Variants in CNTLN observed in about 807,000 individuals in gnomAD.
CNTLN encodes the protein centlein, centrosomal protein.
CNTLN carries 212 observed loss-of-function variants against 180.0 expected under a neutral mutation model. That is an observed-to-expected ratio of 1.18 (90% CI 1.05 to 1.32). The LOEUF is 1.32. Ranked by LOEUF, CNTLN falls within the 40% of genes most tolerant of loss-of-function variation. The pLI is 0.00. For synonymous variants in CNTLN, 722 were observed against 563.1 expected (o/e 1.28, Z -3.99); for missense variants, 2,095 against 1,610.9 (o/e 1.30, Z -5.14).
At chr9:17,164,086 C>T (rs375748279) in intron 2 of CNTLN, among the ~76,000 whole-genome samples, 1 of 150,146 alleles carries the variant, frequency 6.7e-6, no homozygotes. Flanking sequence ...CTGAGGCCGG[C>T]GGATCACTTG....
chr9:17,179,165 A>G (rs1022158527), intron 2 of CNTLN, among the ~76,000 whole-genome samples: 19 of 140,340 alleles, frequency 1.4e-4, no homozygotes, highest in Admixed American at 7.9e-4. Context: ...AATGGCGTGA[A>G]CCCGGGAGGC....
intron 23 of CNTLN, among the ~76,000 whole-genome samples, chr9:17,469,053 C>T (rs1170580402): frequency 6.6e-6 from 1 of 151,630 alleles, no homozygotes; most frequent in Non-Finnish European, 1.5e-5. Context: ...TTTAAATTAC[C>T]TTCATCAGAA....
Position 17,236,463 on chromosome 9 carries a change from A to C in CNTLN, c.724A>C (p.Asn242His). 6.2e-6 allele frequency: 10 copies of C among 1,613,764 alleles called. No individual in the cohort carries two copies. The highest frequency in any genetic ancestry group is 7.6e-6 in the Non-Finnish European group (9 of 1,179,774). Residue 242 changes from asparagine to histidine, a missense_variant, in exon 5 of 26, where the codon AAT becomes CAT. Asn to His is a moderately conservative substitution (Grantham distance 68, BLOSUM62 1). Coordinates refer to ENST00000380647, the MANE Select transcript of CNTLN (RefSeq NM_017738.4). ...KEEQNRLVIK[N>H]LEEENKKLST... ...AGAGCAAAACAGACTAGTTATAAAA[A>C]ATCTGGAGGAGGAAAACAAGAAATT...
chr9:17,516,378 T>C, the CNTLN span, among the ~76,000 whole-genome samples: 1 of 152,158 alleles, frequency 6.6e-6, no homozygotes, highest in Non-Finnish European at 1.5e-5. Flanking sequence ...TAACAAAAGA[T>C]TAACAAGAGA....
intron 2 of CNTLN, among the ~76,000 whole-genome samples, chr9:17,179,789 T>G (rs1345098815): frequency 6.6e-6 from 1 of 152,142 alleles, no homozygotes. Flanking sequence ...AATTATTGAT[T>G]TATCTATTAC....
chr9:17,400,614 T>G (rs996810586), intron 15 of CNTLN, among the ~76,000 whole-genome samples: 2 of 152,214 alleles, frequency 1.3e-5, no homozygotes, highest in African/African-American at 4.8e-5. Context: ...AGGATCATAT[T>G]CATAGATACG....
At chr9:17,207,767 C>T (rs1823027472) in intron 2 of CNTLN, among the ~76,000 whole-genome samples, 3 of 152,088 alleles carry the variant, frequency 2.0e-5, no homozygotes, top group Admixed American at 6.5e-5. Flanking sequence ...GAGCTGCAGA[C>T]CAGATCTGTT....
chr9:17,182,242 C>G (rs1821169495), intron 2 of CNTLN, among the ~76,000 whole-genome samples: 1 of 152,028 alleles, frequency 6.6e-6, no homozygotes. Context: ...TAGCCTACTC[C>G]TTTCCTGGTC....
chr9:17,519,361 A>C, the CNTLN span, among the ~76,000 whole-genome samples: 1 of 152,158 alleles, frequency 6.6e-6, no homozygotes, highest in African/African-American at 2.4e-5. Context: ...CTTTTAATTT[A>C]ACATGGTACT....
At chr9:17,227,347 G>A (rs1470147551) in intron 3 of CNTLN, among the ~76,000 whole-genome samples, 2 of 151,852 alleles carry the variant, frequency 1.3e-5, no homozygotes, top group Non-Finnish European at 2.9e-5. Context: ...AAAATTACGT[G>A]TGATTATATA....
rs189177087 is a variant in CNTLN, at chr9:17,255,507, T to C, written c.850-18226T>C. On this transcript the variant is annotated intron_variant, in intron 5 of 25. Transcript: ENST00000380647. ...TATTTCATAAATTGAATTTTGTATG[T>C]TTCAATTCCCCTTGCATTCAAGGCA... 3.2e-3 allele frequency among the ~76,000 whole-genome samples: 485 copies of C among 151,960 alleles called. 3 individuals are homozygous for C. Among genetic ancestry groups the C allele is most frequent in the Non-Finnish European group, 3.1e-3 (213 of 67,824 alleles).
At chr9:17,354,101 C>T (rs1822605909) in intron 12 of CNTLN, among the ~76,000 whole-genome samples, 1 of 152,190 alleles carries the variant, frequency 6.6e-6, no homozygotes, top group Non-Finnish European at 1.5e-5. Context: ...GGAGGGTGTA[C>T]TGGGTCCCGC....
intron 25 of CNTLN, 47 bp downstream of exon 25, chr9:17,487,113 C>G (rs760050584): frequency 9.4e-6 from 12 of 1,273,828 alleles, no homozygotes; most frequent in Non-Finnish European, 1.3e-5. Flanking sequence ...AATAAGAATT[C>G]CAAGCCTTAC....
At chr9:17,394,435 T>G in intron 14 of CNTLN, 99 bp from the exon 15 acceptor site, 2 of 952,990 alleles carry the variant, frequency 2.1e-6, no homozygotes, top group Non-Finnish European at 3.0e-6. Context: ...ATTTTGTCCT[T>G]GTGCTAAATG....
intron 12 of CNTLN, among the ~76,000 whole-genome samples, chr9:17,361,030 C>T (rs574443504): frequency 1.3e-5 from 2 of 152,200 alleles, no homozygotes; most frequent in East Asian, 3.9e-4. Flanking sequence ...GTTAAAATCT[C>T]AGTTTAAATA....
intron 12 of CNTLN, among the ~76,000 whole-genome samples, chr9:17,347,523 G>A (rs573163083): frequency 6.3e-4 from 96 of 152,088 alleles, no homozygotes; most frequent in Non-Finnish European, 1.2e-3. Context: ...ACAAAGATTA[G>A]CCAGGTGTGG....
intron 2 of CNTLN, among the ~76,000 whole-genome samples, chr9:17,187,619 C>G (rs181867291): frequency 2.6e-5 from 4 of 151,976 alleles, no homozygotes; most frequent in Non-Finnish European, 4.4e-5. Flanking sequence ...GCTAATATGA[C>G]TAGCATTTTC....
downstream of CNTLN, among the ~76,000 whole-genome samples, chr9:17,507,443 G>A (rs543516472): frequency 2.0e-5 from 3 of 152,200 alleles, no homozygotes; most frequent in South Asian, 6.2e-4. Flanking sequence ...GAAGAATGCT[G>A]CTATGAACAT....
intron 2 of CNTLN, among the ~76,000 whole-genome samples, chr9:17,181,427 T>G (rs1488893153): frequency 6.6e-6 from 1 of 152,236 alleles, no homozygotes; most frequent in Non-Finnish European, 1.5e-5. Context: ...AGGCTTCCAA[T>G]TTGTTTCTTT....
Sources: allele counts gnomAD v4.1 joint callset (sites outside exome capture counted in the v4.1 genomes callset), GRCh38; gene constraint gnomAD v4.1.1; transcripts MANE v1.5; gene names NCBI Gene and HGNC (gene_info 2026-07-23, HGNC 2026-07-21).